HBE1: variants seen among roughly 807,000 people sequenced by gnomAD.
HBE1 encodes hemoglobin subunit epsilon 1.
Under a neutral mutation model 12.1 loss-of-function variants are expected in HBE1, and 10 were observed. The ratio of observed to expected loss-of-function variants is 0.83; its 90% CI spans 0.51 to 1.40. HBE1 has a LOEUF of 1.40. HBE1 is among the 40% of genes most tolerant of loss of function. The pLI, the probability that HBE1 is intolerant of heterozygous loss-of-function variation, is 0.00. For synonymous variants in HBE1, 78 were observed against 70.4 expected (o/e 1.11, Z -0.54); for missense variants, 172 against 175.8 (o/e 0.98, Z 0.12).
rs1013515315 is a variant in HBE1, at chr11:5,268,472, G to A, written c.441C>T (p.His147=). 6.2e-7 allele frequency: 1 copy of A among 1,613,678 alleles called. No individual in the cohort carries two copies. Among genetic ancestry groups the A allele is most frequent in the Admixed American group, 1.7e-5 (1 of 60,000 alleles). The change falls in exon 3 of 3, where the codon CAC becomes CAT. Residue 147 remains histidine (H), a synonymous_variant. Coordinates refer to ENST00000396895, the MANE Select transcript of HBE1 (RefSeq NM_005330.4). ...CACCTGCAAACTGGAAGAGAACTCA[G>A]TGGTACTTATGGGCCAGGGCAATGG... ...AVAIALAHKY[H]
rs564375925 is a variant in HBE1 at position 5,268,410 on chromosome 11, C to A, written c.*59G>T. ...GCTTTCTCTCAAGGCCAAGCCCAGT[C>A]CCCATGTGCAGAAGGAGGGTGTCAG... is the stretch of plus-strand genomic sequence containing the variant. On this transcript the variant is annotated 3_prime_UTR_variant, in exon 3 of 3. Transcript: ENST00000396895. 1.4e-4 allele frequency: 208 copies of A among 1,531,394 alleles called. 1 individual carries two copies. The highest frequency in any genetic ancestry group is 5.2e-4 in the Middle Eastern group (3 of 5,750). The allele number at this position is 1,531,394 out of a possible 1,614,324, so 94.9% of individuals were successfully genotyped here. A position where few individuals can be genotyped will look rare whatever the true frequency, so the allele number is the denominator to read the frequency against.
chr11:5,269,701 A>G, intron 1 of HBE1, 25 bp from the exon 2 acceptor site: 1 of 1,589,928 alleles, frequency 6.3e-7, no homozygotes, highest in Non-Finnish European at 8.6e-7. Context: ...CATATCAGAT[A>G]CAAAATTAGA....
chr11:5,269,679 A>T lies in HBE1; in HGVS notation c.93-3T>A. The stretch of plus-strand genomic sequence containing the variant: ...TCCAGGGGTAAACAACGAGGAGTCT[A>T]TGAAATGACACCATATCAGATACAA... On this transcript the variant is annotated splice_polypyrimidine_tract_variant and splice_region_variant and intron_variant, in intron 1 of 2. Coordinates refer to ENST00000396895, the MANE Select transcript of HBE1 (RefSeq NM_005330.4). The T allele has an allele frequency of 6.2e-7, 1 of 1,606,350 alleles. No homozygotes were observed. The highest frequency in any genetic ancestry group is 1.3e-5 in the African/African-American group (1 of 74,820).
In HBE1 at chr11:5,268,599, T is replaced by A. The variant is rs748620106; in HGVS notation, c.316-2A>T. 1 of 1,613,152 alleles carries A rather than the reference T, an allele frequency of 6.2e-7. No homozygotes were observed. ...AATCACCATCACGTTACCCAGGAGCTGTTAGGCAAAAGACAAAATAACACA... is the reference window on the plus strand; with the variant it reads ...AATCACCATCACGTTACCCAGGAGCAGTTAGGCAAAAGACAAAATAACACA... On this transcript the variant is annotated splice_acceptor_variant, in intron 2 of 2. Coordinates refer to ENST00000396895, the MANE Select transcript of HBE1 (RefSeq NM_005330.4). LOFTEE classifies it high-confidence loss of function.
Position 5,268,458 on chromosome 11 carries a change from T to C in HBE1, c.*11A>G. The C allele has an allele frequency of 6.2e-7, 1 of 1,611,936 alleles. No individual in the cohort carries two copies. The highest frequency in any genetic ancestry group is 8.5e-7 in the Non-Finnish European group (1 of 1,178,470). ...CAGGGTCACAGGAACACCTGCAAAC[T>C]GGAAGAGAACTCAGTGGTACTTATG... is the stretch of plus-strand genomic sequence containing the variant. On this transcript the variant is annotated 3_prime_UTR_variant, in exon 3 of 3. Transcript: ENST00000396895.
At position 5,268,392 on chromosome 11, in the gene HBE1, C is replaced by T; in HGVS notation, c.*77G>A. 1 of 1,365,376 alleles carries T rather than the reference C, an allele frequency of 7.3e-7. No homozygotes were observed. The highest frequency in any genetic ancestry group is 1.0e-6 in the Non-Finnish European group (1 of 995,712). 84.6% of individuals were successfully genotyped at this position (1,365,376 alleles called of 1,614,324 possible). A position where few individuals can be genotyped will look rare whatever the true frequency, so the allele number is the denominator to read the frequency against. On this transcript the variant is annotated 3_prime_UTR_variant, in exon 3 of 3. Coordinates refer to ENST00000396895, the MANE Select transcript of HBE1 (RefSeq NM_005330.4). ...TACTTTATTAAACAGAAGGCTTTCT[C>T]TCAAGGCCAAGCCCAGTCCCCATGT...
chr11:5,269,383 A>G (rs2133624229), intron 2 of HBE1, 71 bp downstream of exon 2: 7 of 1,097,368 alleles, frequency 6.4e-6, no homozygotes, highest in South Asian at 2.5e-5. Context: ...GGTCTTTCCA[A>G]TAAGATTATG....
rs150491596 is a variant in HBE1 at position 5,269,876 on chromosome 11, A to G, written c.15T>C (p.Thr5=). Residue 5 remains threonine, a synonymous_variant, in exon 1 of 3, where the codon ACT becomes ACC. Coordinates refer to ENST00000396895, the MANE Select transcript of HBE1 (RefSeq NM_005330.4). The stretch of plus-strand genomic sequence containing the variant: ...TAGTGACGGCAGCCTTCTCCTCAGC[A>G]GTAAAATGCACCATGATGCCAGGCC... MVHF[T]AEEKAAVTSL... 10 of 1,613,046 alleles carry G rather than the reference A, an allele frequency of 6.2e-6. No individual in the cohort carries two copies. The African/African-American group carries it at 8.0e-5, about 13-fold the overall frequency.
At chr11:5,269,374 G>T in intron 2 of HBE1, 80 bp downstream of exon 2, 1 of 1,022,214 alleles carries the variant, frequency 9.8e-7, no homozygotes, top group Non-Finnish European at 1.6e-6. Context: ...ATCTTTGTTG[G>T]TCTTTCCAAT....
At position 5,268,417 on chromosome 11, in the gene HBE1, T is replaced by G; in HGVS notation, c.*52A>C. On this transcript the variant is annotated 3_prime_UTR_variant, in exon 3 of 3. Coordinates refer to ENST00000396895, the MANE Select transcript of HBE1 (RefSeq NM_005330.4). ...CTCAAGGCCAAGCCCAGTCCCCATG[T>G]GCAGAAGGAGGGTGTCAGGGTCACA... The G allele has an allele frequency of 6.4e-7, 1 of 1,566,302 alleles. No homozygotes were observed. Among genetic ancestry groups the G allele is most frequent in the Non-Finnish European group, 8.8e-7 (1 of 1,142,796 alleles).
chr11:5,269,905 G>A lies in HBE1; in HGVS notation c.-15C>T. 1 of 1,586,284 alleles carries A rather than the reference G, an allele frequency of 6.3e-7. No individual in the cohort carries two copies. Among genetic ancestry groups the A allele is most frequent in the Non-Finnish European group, 8.7e-7 (1 of 1,155,394 alleles). On this transcript the variant is annotated 5_prime_UTR_variant, in exon 1 of 3. Transcript: ENST00000396895. ...AAATGCACCATGATGCCAGGCCTGA[G>A]AGCTTGCTAGTGATTGCAGCTGTGT...
At chr11:5,268,642 A>G in intron 2 of HBE1, 45 bp from the exon 3 acceptor site, 2 of 1,558,240 alleles carry the variant, frequency 1.3e-6, no homozygotes, top group Non-Finnish European at 1.8e-6. Context: ...GTTGAGTAGA[A>G]GTTTCCGAAA....
At chr11:5,268,883 A>C (rs977103537) in intron 2 of HBE1, among the ~76,000 whole-genome samples, 3 of 152,086 alleles carry the variant, frequency 2.0e-5, no homozygotes, top group African/African-American at 7.2e-5. Context: ...GTTTTTCTTT[A>C]AGCAATTGTC....
Position 5,269,448 on chromosome 11 carries a change from A to G in HBE1, c.315+6T>C, listed in dbSNP as rs757834271. The G allele has an allele frequency of 6.2e-6, 10 of 1,601,256 alleles. No individual in the cohort carries two copies. Among genetic ancestry groups the G allele is most frequent in the Non-Finnish European group, 8.6e-6 (10 of 1,168,290 alleles). On this transcript the variant is annotated splice_donor_region_variant and intron_variant, in intron 2 of 2. Coordinates refer to ENST00000396895, the MANE Select transcript of HBE1 (RefSeq NM_005330.4). ...AAAAAATCACATCACCAGCACCTGA[A>G]CTCACCTTGAAGTTCTCAGGATCCA...
chr11:5,269,215 A>G (rs1448830643), intron 2 of HBE1, among the ~76,000 whole-genome samples: 1 of 152,168 alleles, frequency 6.6e-6, no homozygotes, highest in Non-Finnish European at 1.5e-5. Flanking sequence ...GGATAAACAC[A>G]TCAAGTTCTG....
rs1411409410 is a variant in HBE1 at position 5,269,515 on chromosome 11, G to A, written c.254C>T (p.Ala85Val). ...AIKNMDNLKP[A>V]FAKLSELHCD... Reference sequence around the variant, plus strand: ...GTGCAGCTCACTCAGCTTAGCAAAGGCGGGCTTGAGGTTGTCCATGTTTTT... The same window carrying A: ...GTGCAGCTCACTCAGCTTAGCAAAGACGGGCTTGAGGTTGTCCATGTTTTT... Residue 85 changes from alanine (A) to valine (V), a missense_variant, in exon 2 of 3, where the codon GCC becomes GTC. Physicochemically the swap from Ala to Val is moderately conservative, Grantham distance 64 (BLOSUM62 0). Transcript: ENST00000396895. 6.2e-7 allele frequency: 1 copy of A among 1,614,070 alleles called. No individual in the cohort carries two copies. Among genetic ancestry groups the A allele is most frequent in the South Asian group, 1.1e-5 (1 of 91,074 alleles).
chr11:5,268,666 A>AAAC (rs77694833), intron 2 of HBE1, 69 bp from the exon 3 acceptor site: 5 of 1,075,366 alleles, frequency 4.6e-6, no homozygotes, highest in East Asian at 2.7e-5. Context: ...ACTTGATGAA[A>AAAC]AAACAAACAA....
Position 5,269,530 on chromosome 11 carries a change from T to C in HBE1, c.239A>G (p.Asp80Gly), listed in dbSNP as rs573098821. The change falls in exon 2 of 3, where the codon GAC (aspartate) becomes GGC (glycine). Residue 80 changes from aspartate (D) to glycine (G), a missense_variant. Transcript: ENST00000396895. ...TSFGDAIKNM[D>G]NLKPAFAKLS... The stretch of plus-strand genomic sequence containing the variant: ...CTTAGCAAAGGCGGGCTTGAGGTTG[T>C]CCATGTTTTTAATAGCATCTCCAAA... 6 of 1,614,044 alleles carry C rather than the reference T, an allele frequency of 3.7e-6. No individual in the cohort carries two copies. Among genetic ancestry groups the C allele is most frequent in the East Asian group, 2.2e-5 (1 of 44,866 alleles).
Position 5,268,360 on chromosome 11 carries a change from G to T in HBE1, c.*109C>A. The T allele has an allele frequency of 9.8e-7, 1 of 1,019,138 alleles. No homozygotes were observed. Among genetic ancestry groups the T allele is most frequent in the African/African-American group, 1.6e-5 (1 of 62,678 alleles). 63.1% of individuals were successfully genotyped at this position (1,019,138 alleles called of 1,614,324 possible). ...AAAATTGCAATTTTTGATTACTGAA[G>T]AAAATGTACTTTATTAAACAGAAGG... On this transcript the variant is annotated 3_prime_UTR_variant, in exon 3 of 3. Transcript: ENST00000396895.
Sources: gnomAD v4.1 joint callset for allele counts (sites outside exome capture counted in the v4.1 genomes callset) on GRCh38, gnomAD v4.1.1 for gene constraint, MANE v1.5 for transcripts, NCBI Gene and HGNC (gene_info 2026-07-23, HGNC 2026-07-21) for gene names.